Variants in SIL1 observed in about 807,000 individuals in gnomAD.
SIL1 encodes SIL1 nucleotide exchange factor, also known as nucleotide exchange factor SIL1.
In SIL1, 40 loss-of-function variants were observed where a neutral mutation model predicts 49.1. The observed-to-expected ratio is 0.81, with a 90% CI of 0.63 to 1.06. SIL1 has a LOEUF of 1.06. Among genes scored for constraint, SIL1 ranks in the 50% least tolerant of loss-of-function variants. The pLI is 0.00. For synonymous variants in SIL1, 253 were observed against 250.8 expected, an observed-to-expected ratio of 1.01 and a Z score of -0.08; for missense variants, 500 against 572.6, an observed-to-expected ratio of 0.87 and a Z score of 1.29.
chr5:139,141,445 A>G (rs1187217506), intron 1 of SIL1, among the ~76,000 whole-genome samples: 1 of 151,834 alleles, frequency 6.6e-6, no homozygotes, highest in Non-Finnish European at 1.5e-5. Flanking sequence ...TAGGAGTTCA[A>G]GATCAGCCTG....
intron 7 of SIL1, among the ~76,000 whole-genome samples, chr5:139,020,595 T>C (rs1334282923): frequency 6.6e-6 from 1 of 151,716 alleles, no homozygotes; most frequent in African/African-American, 2.4e-5. Context: ...TGTAGAATGA[T>C]GTGGTGCCTA....
intron 1 of SIL1, among the ~76,000 whole-genome samples, chr5:139,181,942 T>G (rs1751990330): frequency 6.6e-6 from 1 of 152,246 alleles, no homozygotes; most frequent in South Asian, 2.1e-4. Context: ...GGACCAGGGC[T>G]GGCCTGTTTT....
Position 139,127,857 on chromosome 5 carries a change from C to A in SIL1, c.-10-4G>T, listed in dbSNP as rs1328971765. ...CTGGGGAGCCATAGTCAGGGACCTG[C>A]AGGTGCAAGCATAGACAACAGAAGG... On this transcript the variant is annotated splice_region_variant and splice_polypyrimidine_tract_variant and intron_variant, in intron 1 of 9. Transcript: ENST00000394817. 2 of 1,554,374 alleles carry A rather than the reference C, an allele frequency of 1.3e-6. No homozygotes were observed. The highest frequency in any genetic ancestry group is 3.6e-5 in the Admixed American group (2 of 55,568).
At chr5:139,165,982 T>C (rs1022141854) in intron 1 of SIL1, among the ~76,000 whole-genome samples, 1 of 152,056 alleles carries the variant, frequency 6.6e-6, no homozygotes, top group East Asian at 1.9e-4. Flanking sequence ...TAAATGTATT[T>C]GATTGATGTC....
At chr5:139,091,050 A>G (rs1455928862) in intron 3 of SIL1, among the ~76,000 whole-genome samples, 2 of 152,252 alleles carry the variant, frequency 1.3e-5, no homozygotes, top group Admixed American at 6.5e-5. Flanking sequence ...ATGAAAACAT[A>G]TAAGTACCAA....
intron 7 of SIL1, among the ~76,000 whole-genome samples, chr5:138,999,628 T>C (rs1767945055): frequency 6.6e-6 from 1 of 152,208 alleles, no homozygotes; most frequent in African/African-American, 2.4e-5. Context: ...TACTCCAGTA[T>C]GGGCAACAGA....
At chr5:138,979,826 C>T (rs972437531) in intron 7 of SIL1, among the ~76,000 whole-genome samples, 1 of 152,192 alleles carries the variant, frequency 6.6e-6, no homozygotes, top group Non-Finnish European at 1.5e-5. Context: ...TGAGAGAATG[C>T]GGTCTTCCAC....
chr5:139,135,600 A>C (rs1392263121), intron 1 of SIL1, among the ~76,000 whole-genome samples: 2 of 152,018 alleles, frequency 1.3e-5, no homozygotes, highest in Non-Finnish European at 2.9e-5. Flanking sequence ...GGCAGTGAGG[A>C]GCATTCCTAG....
At chr5:139,074,478 C>G (rs893129901) in intron 3 of SIL1, among the ~76,000 whole-genome samples, 1 of 152,132 alleles carries the variant, frequency 6.6e-6, no homozygotes, top group African/African-American at 2.4e-5. Context: ...AAATACCTGA[C>G]AGATATTTTG....
chr5:139,170,853 C>T (rs1581149062), intron 1 of SIL1, among the ~76,000 whole-genome samples: 1 of 148,690 alleles, frequency 6.7e-6, no homozygotes, highest in South Asian at 2.1e-4. Context: ...CGGCCAGCCG[C>T]CCCGTCCGGG....
At chr5:138,978,183 C>A (rs1767433242) in intron 7 of SIL1, among the ~76,000 whole-genome samples, 1 of 139,218 alleles carries the variant, frequency 7.2e-6, no homozygotes, top group Non-Finnish European at 1.5e-5. Context: ...TTTCATTGCC[C>A]CCCCATACCT....
chr5:139,196,003 A>G (rs1752263762), intron 1 of SIL1, among the ~76,000 whole-genome samples: 1 of 152,164 alleles, frequency 6.6e-6, no homozygotes, highest in Non-Finnish European at 1.5e-5. Context: ...TGGGCAACAC[A>G]GCGAGACCCT....
intron 3 of SIL1, among the ~76,000 whole-genome samples, chr5:139,098,681 T>C (rs1480144223): frequency 6.6e-6 from 1 of 152,028 alleles, no homozygotes; most frequent in Non-Finnish European, 1.5e-5. Flanking sequence ...AGAAAATATC[T>C]GCAAACTACC....
At chr5:139,068,993 A>T (rs1489146677) in intron 3 of SIL1, among the ~76,000 whole-genome samples, 1 of 152,040 alleles carries the variant, frequency 6.6e-6, no homozygotes, top group Non-Finnish European at 1.5e-5. Flanking sequence ...GTGTATGGTG[A>T]CTCACACCTG....
At chr5:139,178,327 C>A (rs912377573) in intron 1 of SIL1, among the ~76,000 whole-genome samples, 2 of 152,208 alleles carry the variant, frequency 1.3e-5, no homozygotes, top group African/African-American at 4.8e-5. Flanking sequence ...TCAACAAAAT[C>A]CATCCAGTGT....
At chr5:139,174,130 GA>G (rs1203882221) in intron 1 of SIL1, among the ~76,000 whole-genome samples, 1 of 151,006 alleles carries the variant, frequency 6.6e-6, no homozygotes, top group Non-Finnish European at 1.5e-5. Context: ...AAAAATAATA[GA>G]AAAAAATCAA....
chr5:139,138,487 TAAC>T (rs1230910209), intron 1 of SIL1, among the ~76,000 whole-genome samples: 8 of 152,162 alleles, frequency 5.3e-5, no homozygotes, highest in African/African-American at 1.9e-4. Context: ...CCATGTCTGA[TAAC>T]AACCAAGGTT....
At chr5:139,118,913 C>A (rs781333891) in intron 3 of SIL1, among the ~76,000 whole-genome samples, 7 of 152,192 alleles carry the variant, frequency 4.6e-5, no homozygotes, top group Non-Finnish European at 7.3e-5. Flanking sequence ...ACCTAACCTC[C>A]CCTCACCAGT....
At chr5:139,035,275 C>A in intron 5 of SIL1, 1 of 515,604 alleles carries the variant, frequency 1.9e-6, no homozygotes, top group South Asian at 1.5e-5. Context: ...CTAGAGAGTT[C>A]TCTGGCTAAA....
Sources: allele counts gnomAD v4.1 joint callset (sites outside exome capture counted in the v4.1 genomes callset), GRCh38; gene constraint gnomAD v4.1.1; transcripts MANE v1.5; gene names NCBI Gene and HGNC (gene_info 2026-07-23, HGNC 2026-07-21).